The following CADPS variants were observed in gnomAD, a reference collection of about 807,000 sequenced individuals.
The protein encoded by CADPS is calcium dependent secretion activator.
CADPS carries 57 observed loss-of-function variants against 167.3 expected under a neutral mutation model. The ratio of observed to expected loss-of-function variants is 0.34; its 90% CI spans 0.28 to 0.42. CADPS has a LOEUF of 0.42. CADPS is among the 20% of genes least tolerant of loss of function. The pLI, the probability that CADPS is intolerant of heterozygous loss-of-function variation, is 1.00. For missense variants in CADPS, 1,414 were observed against 1,738.1 expected, an observed-to-expected ratio of 0.81 and a Z score of 3.32; for synonymous variants, 676 against 635.3, an observed-to-expected ratio of 1.06 and a Z score of -0.96.
chr3:62,620,028 T>C (rs1016802739), intron 6 of CADPS, among the ~76,000 whole-genome samples: 1 of 152,170 alleles, frequency 6.6e-6, no homozygotes, highest in Non-Finnish European at 1.5e-5. Flanking sequence ...GCATTGCATT[T>C]GTTATTGATG....
At chr3:62,757,165 G>A (rs1014915531) in intron 2 of CADPS, among the ~76,000 whole-genome samples, 21 of 152,094 alleles carry the variant, frequency 1.4e-4, no homozygotes, top group Non-Finnish European at 3.1e-4. Flanking sequence ...ATAAACATAA[G>A]GGGTGACTTG....
chr3:62,681,293 C>G (rs183468436), intron 3 of CADPS, among the ~76,000 whole-genome samples: 1 of 152,054 alleles, frequency 6.6e-6, no homozygotes, highest in Non-Finnish European at 1.5e-5. Context: ...TATGCCCTCT[C>G]CATCACAGAA....
chr3:62,433,829 T>A lies in CADPS; in HGVS notation c.3777+4275A>T, dbSNP rs2054454576. Among the ~76,000 whole-genome samples, 1 of 152,162 alleles carries A rather than the reference T, an allele frequency of 6.6e-6. No homozygotes were observed. Among genetic ancestry groups the A allele is most frequent in the South Asian group, 2.1e-4 (1 of 4,834 alleles). On this transcript the variant is annotated intron_variant, in intron 28 of 29. Coordinates refer to ENST00000383710, the MANE Select transcript of CADPS (RefSeq NM_003716.4). The surrounding 1 kb of genome is among the most constrained non-coding windows in gnomAD (Gnocchi z 4.7). ...AAATCTTAGGTGCGTCTCTTGATGA[T>A]CTGATCTCTAATTTCAAAAAGCATG...
At chr3:62,432,485 C>A (rs1173716226) in intron 28 of CADPS, among the ~76,000 whole-genome samples, 2 of 152,096 alleles carry the variant, frequency 1.3e-5, no homozygotes, top group Non-Finnish European at 2.9e-5. Flanking sequence ...CAATTCTAAG[C>A]AAGCTTGGGG....
Position 62,544,984 on chromosome 3 carries a change from C to T in CADPS, c.1966+4919G>A, listed in dbSNP as rs1039350081. 3 of 343,134 alleles carry T rather than the reference C, an allele frequency of 8.7e-6. No homozygotes were observed. The highest frequency in any genetic ancestry group is 6.7e-5 in the African/African-American group (3 of 44,880). The allele number at this position is 343,134 out of a possible 1,614,324, so 21.3% of individuals were successfully genotyped here. A position where few individuals can be genotyped will look rare whatever the true frequency, so the allele number is the denominator to read the frequency against. ...TTCTTGGGTTCGAGCAAAGATTGAA[C>T]AAGAAAACTTAAACAAAACAAAACA... On this transcript the variant is annotated intron_variant, in intron 11 of 29. Coordinates refer to ENST00000383710, the MANE Select transcript of CADPS (RefSeq NM_003716.4). This position sits in a 1 kb window ranked among gnomAD's most constrained non-coding sequence, Gnocchi z 4.4.
chr3:62,684,728 A>G (rs2077694067), intron 3 of CADPS, among the ~76,000 whole-genome samples: 1 of 151,994 alleles, frequency 6.6e-6, no homozygotes, highest in Admixed American at 6.6e-5. Flanking sequence ...CCTCAGTTCT[A>G]GGTGAGTGTC....
chr3:62,418,465 C>A (rs1387737797), intron 28 of CADPS, among the ~76,000 whole-genome samples: 3 of 145,656 alleles, frequency 2.1e-5, no homozygotes, highest in Non-Finnish European at 4.5e-5. Flanking sequence ...GTTGGGACTA[C>A]AGGTATGCAA....
intron 22 of CADPS, among the ~76,000 whole-genome samples, chr3:62,481,384 C>T (rs760963500): frequency 1.3e-5 from 2 of 152,156 alleles, no homozygotes; most frequent in African/African-American, 2.4e-5. Context: ...GGCCAGCCCA[C>T]CAAAGAGGTT....
At position 62,481,880 on chromosome 3, in the gene CADPS, AACAG is replaced by A; in HGVS notation, c.3027-15_3027-12del. ...TTACTGGTTAAACTCCTGTGGAAGA[AACAG>A]ACAGAAAGAAAAAATACCATCACAG... On this transcript the variant is annotated splice_polypyrimidine_tract_variant and intron_variant, in intron 21 of 29. Transcript: ENST00000383710. The A allele has an allele frequency of 1.2e-6, 2 of 1,602,986 alleles. No homozygotes were observed. Among genetic ancestry groups the A allele is most frequent in the Non-Finnish European group, 1.7e-6 (2 of 1,176,052 alleles).
At chr3:62,456,464 C>T (rs2058689964) in intron 26 of CADPS, among the ~76,000 whole-genome samples, 1 of 152,016 alleles carries the variant, frequency 6.6e-6, no homozygotes, top group African/African-American at 2.4e-5. Flanking sequence ...CTGAAGCCTC[C>T]CCGTCCTCTG....
chr3:62,799,405 C>T (rs2093633620), intron 1 of CADPS, among the ~76,000 whole-genome samples: 1 of 152,078 alleles, frequency 6.6e-6, no homozygotes, highest in South Asian at 2.1e-4. Context: ...AACAAGTTCA[C>T]CTATGAAACA....
chr3:62,429,319 T>C (rs1381520940), intron 28 of CADPS, among the ~76,000 whole-genome samples: 1 of 152,180 alleles, frequency 6.6e-6, no homozygotes, highest in Non-Finnish European at 1.5e-5. Flanking sequence ...GCTGAGACTA[T>C]ATATCTCTTA....
At chr3:62,401,921 C>A (rs1706356072) in intron 29 of CADPS, among the ~76,000 whole-genome samples, 2 of 152,052 alleles carry the variant, frequency 1.3e-5, no homozygotes. Flanking sequence ...GACAATTTCC[C>A]CAAAGTGCAT....
chr3:62,795,090 C>T (rs903266268), intron 1 of CADPS, among the ~76,000 whole-genome samples: 5 of 152,028 alleles, frequency 3.3e-5, no homozygotes, highest in Admixed American at 6.6e-5. Context: ...TCTCTCTTGA[C>T]GGAAAATGGC....
intron 6 of CADPS, among the ~76,000 whole-genome samples, chr3:62,621,518 T>C (rs565467749): frequency 6.6e-6 from 1 of 152,288 alleles, no homozygotes; most frequent in South Asian, 2.1e-4. Context: ...ATGTGGTATA[T>C]GTATACATAT....
chr3:62,628,858 C>T (rs1359190040), intron 6 of CADPS, among the ~76,000 whole-genome samples: 1 of 152,066 alleles, frequency 6.6e-6, no homozygotes, highest in Admixed American at 6.6e-5. Flanking sequence ...ATCTCTTGAC[C>T]TCGTGATTCA....
chr3:62,589,703 C>G (rs1163765320), intron 7 of CADPS, among the ~76,000 whole-genome samples: 1 of 152,150 alleles, frequency 6.6e-6, no homozygotes, highest in Admixed American at 6.5e-5. Flanking sequence ...ATGCATGGGT[C>G]CCTGACTGGC....
intron 26 of CADPS, among the ~76,000 whole-genome samples, chr3:62,462,546 G>A (rs966604369): frequency 2.0e-5 from 3 of 152,226 alleles, no homozygotes; most frequent in Admixed American, 6.5e-5. Context: ...TTTCTGGGGG[G>A]CAGAGCACAT....
Position 62,476,888 on chromosome 3 carries a change from G to T in CADPS, c.3329+1373C>A, listed in dbSNP as rs761844065. Among the ~76,000 whole-genome samples the T allele has an allele frequency of 1.6e-4, 25 of 152,110 alleles. 1 individual carries two copies. The highest frequency in any genetic ancestry group is 1.3e-4 in the Admixed American group (2 of 15,268). ...GAAAAGCATTGCTTTTCCTAAAATTGATATAGACTATCTAGGAGATCGTGG... is the reference window on the plus strand; with the variant it reads ...GAAAAGCATTGCTTTTCCTAAAATTTATATAGACTATCTAGGAGATCGTGG... On this transcript the variant is annotated intron_variant, in intron 23 of 29. Coordinates refer to ENST00000383710, the MANE Select transcript of CADPS (RefSeq NM_003716.4).
Sources: gnomAD v4.1 joint callset for allele counts (sites outside exome capture counted in the v4.1 genomes callset) on GRCh38, gnomAD v4.1.1 for gene constraint, Gnocchi (gnomAD v3.1) non-coding constraint, MANE v1.5 for transcripts, NCBI Gene and HGNC (gene_info 2026-07-23, HGNC 2026-07-21) for gene names.